Variants in SGCZ observed in about 807,000 individuals in gnomAD.
The protein encoded by SGCZ is zeta-sarcoglycan.
SGCZ carries 40 observed loss-of-function variants against 41.3 expected under a neutral mutation model. That is an observed-to-expected ratio of 0.97 (90% CI 0.75 to 1.26). SGCZ has a LOEUF of 1.26. Ranked by LOEUF, SGCZ falls within the 50% of genes most tolerant of loss-of-function variation. SGCZ has a pLI of 0.00. For missense variants in SGCZ, 552 were observed against 369.8 expected, an observed-to-expected ratio of 1.49 and a Z score of -4.04; for synonymous variants, 206 against 137.5, an observed-to-expected ratio of 1.50 and a Z score of -3.49.
intron 1 of SGCZ, among the ~76,000 whole-genome samples, chr8:15,008,815 C>T (rs370086745): frequency 5.5e-4 from 22 of 40,210 alleles, no homozygotes; most frequent in African/African-American, 2.2e-3. Context: ...GAGGGAGGGA[C>T]GGAGGGAGGA....
At chr8:14,504,912 T>C (rs1802260724) in intron 2 of SGCZ, among the ~76,000 whole-genome samples, 1 of 152,206 alleles carries the variant, frequency 6.6e-6, no homozygotes, top group South Asian at 2.1e-4. Flanking sequence ...GTTATCAACA[T>C]CTACCCTTTA....
chr8:14,784,946 T>TATA (rs1187787101), intron 1 of SGCZ, among the ~76,000 whole-genome samples: 3 of 128,758 alleles, frequency 2.3e-5, no homozygotes, highest in African/African-American at 8.7e-5. Flanking sequence ...AATATATATA[T>TATA]TTTTTATATT....
At chr8:14,467,447 G>T (rs192695427) in intron 2 of SGCZ, among the ~76,000 whole-genome samples, 1 of 152,108 alleles carries the variant, frequency 6.6e-6, no homozygotes, top group East Asian at 1.9e-4. Context: ...ATATTTGGAG[G>T]ACAGAATCCT....
chr8:14,485,059 A>C (rs1335880778), intron 2 of SGCZ, among the ~76,000 whole-genome samples: 1 of 152,238 alleles, frequency 6.6e-6, no homozygotes, highest in Non-Finnish European at 1.5e-5. Flanking sequence ...TTAAAGCAAG[A>C]AAGCAGGAAA....
chr8:14,921,561 G>A (rs186873486), intron 1 of SGCZ, among the ~76,000 whole-genome samples: 73 of 150,986 alleles, frequency 4.8e-4, no homozygotes, highest in Middle Eastern at 6.9e-3. Context: ...AAAGAAATAA[G>A]CTACTCAGTG....
At chr8:14,437,077 T>C (rs1461019952) in intron 2 of SGCZ, among the ~76,000 whole-genome samples, 1 of 152,180 alleles carries the variant, frequency 6.6e-6, no homozygotes, top group Non-Finnish European at 1.5e-5. Context: ...TTGGTGATAT[T>C]AGCATGTGAT....
At chr8:15,059,826 T>G (rs1294802039) in intron 1 of SGCZ, among the ~76,000 whole-genome samples, 4 of 152,208 alleles carry the variant, frequency 2.6e-5, no homozygotes, top group African/African-American at 9.6e-5. Flanking sequence ...GGTTAATGCC[T>G]TCAGTTCTTT....
rs566779839 is a variant in SGCZ at position 14,227,322 on chromosome 8, C to T, written c.424+10270G>A. ...ATCTCCAAAATTTATGAATTATTAA[C>T]ATGTTCTAATTCCTTTGGGAAGGGT... On this transcript the variant is annotated intron_variant, in intron 4 of 7. Transcript: ENST00000382080. 1.8e-4 allele frequency among the ~76,000 whole-genome samples: 27 copies of T among 152,152 alleles called. No individual in the cohort carries two copies. In the Middle Eastern group the frequency reaches 0.01, roughly 58 times the overall value.
At chr8:15,121,900 C>CA (rs55783598) in intron 1 of SGCZ, among the ~76,000 whole-genome samples, 79,058 of 126,176 alleles carry the variant, frequency 0.63, 26,567 homozygotes, top group Non-Finnish European at 0.75. Context: ...CGGCAGTTAC[C>CA]AAAAAAAAAA....
chr8:14,500,770 A>C (rs1204431814), intron 2 of SGCZ, among the ~76,000 whole-genome samples: 1 of 152,122 alleles, frequency 6.6e-6, no homozygotes, highest in African/African-American at 2.4e-5. Flanking sequence ...CTTACTTGTT[A>C]AAAATTAACT....
At chr8:14,507,660 G>A (rs577931855) in intron 2 of SGCZ, among the ~76,000 whole-genome samples, 2 of 152,096 alleles carry the variant, frequency 1.3e-5, no homozygotes, top group Admixed American at 1.3e-4. Context: ...CTTTGTCGAT[G>A]TACTTTCTGC....
intron 1 of SGCZ, among the ~76,000 whole-genome samples, chr8:14,691,430 A>G (rs1808794262): frequency 6.6e-6 from 1 of 152,094 alleles, no homozygotes; most frequent in African/African-American, 2.4e-5. Context: ...GAAAGAAAGT[A>G]CCAAAGGATG....
At chr8:15,138,238 A>C (rs752222345) in intron 1 of SGCZ, among the ~76,000 whole-genome samples, 1 of 152,200 alleles carries the variant, frequency 6.6e-6, no homozygotes, top group Non-Finnish European at 1.5e-5. Flanking sequence ...CTGTACTTCC[A>C]TTGTATCTAA....
chr8:14,873,296 A>G (rs1253840993), intron 1 of SGCZ, among the ~76,000 whole-genome samples: 1 of 152,158 alleles, frequency 6.6e-6, no homozygotes, highest in African/African-American at 2.4e-5. Flanking sequence ...TGAGTTATTC[A>G]TTGCATGTGT....
chr8:14,429,708 G>T (rs539881072), intron 2 of SGCZ, among the ~76,000 whole-genome samples: 8 of 152,014 alleles, frequency 5.3e-5, no homozygotes, highest in Admixed American at 3.3e-4. Flanking sequence ...AGAAGAAGAG[G>T]ACAAAACACA....
intron 2 of SGCZ, among the ~76,000 whole-genome samples, chr8:14,511,787 C>T (rs1802475225): frequency 6.6e-6 from 1 of 152,072 alleles, no homozygotes; most frequent in African/African-American, 2.4e-5. Context: ...CCAAATTCCC[C>T]ACCAACTCTT....
At chr8:14,341,609 G>C (rs528704335) in intron 2 of SGCZ, among the ~76,000 whole-genome samples, 6 of 152,070 alleles carry the variant, frequency 3.9e-5, no homozygotes, top group Non-Finnish European at 1.5e-5. Flanking sequence ...TGGTTTGGCT[G>C]TGTCCCCTCC....
At chr8:14,978,319 ATTAG>A (rs1801547972) in intron 1 of SGCZ, among the ~76,000 whole-genome samples, 1 of 143,294 alleles carries the variant, frequency 7.0e-6, no homozygotes, top group Non-Finnish European at 1.5e-5. Flanking sequence ...AATACAAAAA[ATTAG>A]TTGGGCGTGG....
At chr8:14,494,343 G>A (rs1000028598) in intron 2 of SGCZ, among the ~76,000 whole-genome samples, 8 of 152,050 alleles carry the variant, frequency 5.3e-5, no homozygotes, top group South Asian at 4.1e-4. Flanking sequence ...GGCTCAGCCC[G>A]GCTACTGTTT....
Sources: allele counts gnomAD v4.1 joint callset (sites outside exome capture counted in the v4.1 genomes callset), GRCh38; gene constraint gnomAD v4.1.1; transcripts MANE v1.5; gene names NCBI Gene and HGNC (gene_info 2026-07-23, HGNC 2026-07-21).